Variants in PBX1 observed in about 807,000 individuals in gnomAD.
PBX1 encodes pre-B-cell leukemia transcription factor 1.
A neutral mutation model predicts 53.4 loss-of-function variants in PBX1; 6 were observed. That is an observed-to-expected ratio of 0.11 (90% CI 0.06 to 0.22). PBX1 has a LOEUF of 0.22. Among genes scored for constraint, PBX1 ranks in the 10% least tolerant of loss-of-function variants. PBX1 has a pLI of 1.00. For synonymous variants in PBX1, 204 were observed against 212.3 expected, an observed-to-expected ratio of 0.96 and a Z score of 0.34; for missense variants, 251 against 551.4, an observed-to-expected ratio of 0.46 and a Z score of 5.46.
chr1:164,755,460 G>T (rs192423643), intron 2 of PBX1, among the ~76,000 whole-genome samples: 1 of 152,194 alleles, frequency 6.6e-6, no homozygotes. Flanking sequence ...TTTACTTGTG[G>T]TTATTTTTTA....
chr1:164,814,750 C>CA, intron 6 of PBX1: 4 of 154,620 alleles, frequency 2.6e-5, no homozygotes, highest in Non-Finnish European at 5.7e-5. Flanking sequence ...AAAAACAAAA[C>CA]AAACAAACAA....
chr1:164,729,001 G>C (rs1011271283), intron 2 of PBX1, among the ~76,000 whole-genome samples: 11 of 151,880 alleles, frequency 7.2e-5, no homozygotes, highest in Admixed American at 7.2e-4. Context: ...CCTCAGCATT[G>C]TGTTAGGCGT....
At position 164,788,646 on chromosome 1, in the gene PBX1, A is replaced by T. The variant is rs983185912; in HGVS notation, c.266-3848A>T. The stretch of plus-strand genomic sequence containing the variant: ...CTTGTTCATATTGTTCCTTAAAAAA[A>T]TTTTTTTTGGGTTTTTGCACAATCA... On this transcript the variant is annotated intron_variant, in intron 2 of 8. Coordinates refer to ENST00000420696, the MANE Select transcript of PBX1 (RefSeq NM_002585.4). 4.0e-5 allele frequency among the ~76,000 whole-genome samples: 6 copies of T among 151,556 alleles called. No individual in the cohort carries two copies. The East Asian group carries it at 5.9e-4, about 15-fold the overall frequency.
chr1:164,561,192 C>G (rs574316266), intron 1 of PBX1, among the ~76,000 whole-genome samples: 20 of 152,162 alleles, frequency 1.3e-4, no homozygotes, highest in Non-Finnish European at 2.2e-4. Flanking sequence ...ATATACGCAA[C>G]TCCTATACTT....
In PBX1 at chr1:164,750,628, A is replaced by C. The variant is rs774589360; in HGVS notation, c.266-41866A>C. ...GGTTAGCACCAGTGGGGGCAGAGAC[A>C]GTCAGAAGTAGCTTTCAGGAGGCTT... On this transcript the variant is annotated intron_variant, in intron 2 of 8. Transcript: ENST00000420696. Among the ~76,000 whole-genome samples the C allele has an allele frequency of 1.9e-3, 286 of 152,342 alleles. 1 individual carries two copies. Among genetic ancestry groups the C allele is most frequent in the Non-Finnish European group, 3.3e-3 (223 of 68,028 alleles).
At chr1:164,876,005 T>TATATATATATATATATATATATATAC (rs1487676214) in intron 2 of PBX1, among the ~76,000 whole-genome samples, 40 of 56,828 alleles carry the variant, frequency 7.0e-4, no homozygotes, top group South Asian at 6.9e-3. Flanking sequence ...TATATATATA[T>TATATATATATATATATATATATATAC]ACACACATAC....
chr1:164,621,850 A>G (rs1657702033), intron 2 of PBX1, among the ~76,000 whole-genome samples: 1 of 151,920 alleles, frequency 6.6e-6, no homozygotes, highest in Admixed American at 6.6e-5. Flanking sequence ...TTTTTCTACA[A>G]TTTGACTTCC....
At chr1:164,870,486 G>A (rs1448503993) in intron 2 of PBX1, among the ~76,000 whole-genome samples, 1 of 151,844 alleles carries the variant, frequency 6.6e-6, no homozygotes, top group Non-Finnish European at 1.5e-5. Context: ...TGGGATTACA[G>A]GCACGTGCCA....
At chr1:164,746,030 G>A (rs966946830) in intron 2 of PBX1, among the ~76,000 whole-genome samples, 15 of 152,192 alleles carry the variant, frequency 9.9e-5, no homozygotes, top group Admixed American at 4.6e-4. Context: ...AGAGGCATAC[G>A]ATTATTTTAT....
intron 8 of PBX1, among the ~76,000 whole-genome samples, chr1:164,845,990 G>T (rs988954725): frequency 1.3e-5 from 2 of 152,056 alleles, no homozygotes; most frequent in African/African-American, 4.8e-5. Context: ...ATTAGGTTCT[G>T]CCTTGATTTA....
intron 4 of PBX1, 33 bp from the exon 5 acceptor site, chr1:164,807,509 C>T: frequency 1.2e-6 from 2 of 1,605,444 alleles, no homozygotes; most frequent in Non-Finnish European, 1.7e-6. Flanking sequence ...TGGTGTGAGC[C>T]TTTTTGTTAT....
intron 2 of PBX1, among the ~76,000 whole-genome samples, chr1:164,567,239 A>T (rs1653497833): frequency 6.6e-6 from 1 of 152,132 alleles, no homozygotes; most frequent in African/African-American, 2.4e-5. Context: ...AGGAAGCTAG[A>T]GATTGCGGGA....
chr1:164,879,645 C>T (rs943340424), intron 2 of PBX1, among the ~76,000 whole-genome samples: 5 of 152,248 alleles, frequency 3.3e-5, no homozygotes, highest in African/African-American at 1.2e-4. Flanking sequence ...ACCAAGGGAG[C>T]ATGGATGGAG....
rs372535358 is a variant in PBX1, at chr1:164,872,901, A to G, written n.258-26287A>G. Among the ~76,000 whole-genome samples the G allele has an allele frequency of 4.6e-4, 70 of 152,360 alleles. 1 individual carries two copies. In the South Asian group the frequency reaches 0.014, roughly 30 times the overall value. ...TTGGATCCTGATTTTGTCATTTAAC[A>G]TATTAGCTCATTACTCGCAGACAAT... On this transcript the variant is annotated intron_variant and non_coding_transcript_variant, in intron 2 of 2. Transcript: ENST00000558796.
chr1:164,788,198 G>A (rs1668299202), intron 2 of PBX1, among the ~76,000 whole-genome samples: 1 of 152,138 alleles, frequency 6.6e-6, no homozygotes, highest in African/African-American at 2.4e-5. Context: ...TGGAGGATGA[G>A]TGTTAACATC....
At chr1:164,685,700 A>G (rs1381748607) in intron 2 of PBX1, among the ~76,000 whole-genome samples, 2 of 152,234 alleles carry the variant, frequency 1.3e-5, no homozygotes. Flanking sequence ...TTATTGAAAC[A>G]GAGGGTAGGC....
At chr1:164,713,330 G>T (rs1390319667) in intron 2 of PBX1, among the ~76,000 whole-genome samples, 1 of 152,146 alleles carries the variant, frequency 6.6e-6, no homozygotes, top group Non-Finnish European at 1.5e-5. Context: ...ATGATAAAAG[G>T]TATGTGTAGG....
chr1:164,844,031 CTGCTTTCATAG>C (rs1384790943), intron 8 of PBX1, among the ~76,000 whole-genome samples: 1 of 151,824 alleles, frequency 6.6e-6, no homozygotes, highest in Non-Finnish European at 1.5e-5. Context: ...TGTACGCTCA[CTGCTTTCATAG>C]AGCTTCCTTA....
Position 164,565,749 on chromosome 1 carries a change from C to CTT in PBX1, c.265+2451_265+2452dup, listed in dbSNP as rs111807009. Among the ~76,000 whole-genome samples the CTT allele has an allele frequency of 4.2e-5, 6 of 142,996 alleles. No homozygotes were observed. In the South Asian group the frequency reaches 1.1e-3, roughly 26 times the overall value. 93.8% of individuals were successfully genotyped at this position (142,996 alleles called of 152,430 possible). On this transcript the variant is annotated intron_variant, in intron 2 of 8. Transcript: ENST00000420696. ...CAAAGTGTCTGTAAAGTTGCAGGAG[C>CTT]TTTTTTTTTTTTTTCCCCCTCTTCT...
Sources: gnomAD v4.1 joint callset for allele counts (sites outside exome capture counted in the v4.1 genomes callset) on GRCh38, gnomAD v4.1.1 for gene constraint, MANE v1.5 for transcripts, NCBI Gene and HGNC (gene_info 2026-07-23, HGNC 2026-07-21) for gene names.